The following DTL variants were observed in gnomAD, a reference collection of about 807,000 sequenced individuals.
DTL encodes denticleless protein homolog.
A neutral mutation model predicts 87.0 loss-of-function variants in DTL; 46 were observed. The ratio of observed to expected loss-of-function variants is 0.53; its 90% CI spans 0.42 to 0.68. DTL has a LOEUF of 0.68. Among genes scored for constraint, DTL ranks in the 30% least tolerant of loss-of-function variants. The probability of loss-of-function intolerance (pLI) is 0.00; values close to 1 mark genes in which losing one functional copy is unlikely to be tolerated. For synonymous variants in DTL, 308 were observed against 311.2 expected (o/e 0.99, Z 0.11); for missense variants, 737 against 869.4 (o/e 0.85, Z 1.91).
chr1:212,073,194 T>C (rs1654728353), intron 11 of DTL, among the ~76,000 whole-genome samples: 1 of 152,238 alleles, frequency 6.6e-6, no homozygotes, highest in African/African-American at 2.4e-5. Flanking sequence ...TAGCACTTGC[T>C]TATTACTGAA....
rs1217559140 is a variant in DTL, at chr1:212,044,620, T to C, written c.179-40T>C. Reference sequence around the variant, plus strand: ...TCCGTCTGAAAAAAAAAAAAAAAATTGTGTTACTCTATATATTTTTTTCTT... The same window carrying C: ...TCCGTCTGAAAAAAAAAAAAAAAATCGTGTTACTCTATATATTTTTTTCTT... On this transcript the variant is annotated intron_variant, in intron 2 of 14. Transcript: ENST00000366991. 21 of 1,251,290 alleles carry C rather than the reference T, an allele frequency of 1.7e-5. 1 individual carries two copies. The highest frequency in any genetic ancestry group is 2.3e-5 in the Non-Finnish European group (21 of 898,352). The allele number at this position is 1,251,290 out of a possible 1,614,324, so 77.5% of individuals were successfully genotyped here.
At chr1:212,092,104 C>T (rs1409842374) in intron 13 of DTL, among the ~76,000 whole-genome samples, 1 of 152,164 alleles carries the variant, frequency 6.6e-6, no homozygotes, top group East Asian at 1.9e-4. Context: ...AGTCTTTTAT[C>T]CCTTACCTCC....
intron 11 of DTL, 118 bp downstream of exon 11, chr1:212,072,331 A>G: frequency 1.3e-6 from 1 of 766,966 alleles, no homozygotes. Context: ...TGCATCAGAT[A>G]TTTAGTAAAG....
chr1:212,093,228 C>T (rs183084132), intron 13 of DTL, among the ~76,000 whole-genome samples: 1 of 152,274 alleles, frequency 6.6e-6, no homozygotes, highest in Non-Finnish European at 1.5e-5. Context: ...GATGGGCAGG[C>T]TGTAGGGCTC....
chr1:212,087,485 G>A (rs901862437), intron 13 of DTL, among the ~76,000 whole-genome samples: 2 of 151,662 alleles, frequency 1.3e-5, no homozygotes, highest in Admixed American at 1.3e-4. Flanking sequence ...GGGAGGCGGA[G>A]CTTGCAGTGA....
In DTL at chr1:212,047,563, C is replaced by T. The variant is rs956829839; in HGVS notation, c.460+146C>T. 24 of 1,144,432 alleles carry T rather than the reference C, an allele frequency of 2.1e-5. No individual in the cohort carries two copies. In the Admixed American group the frequency reaches 2.7e-4, roughly 13 times the overall value. The allele number at this position is 1,144,432 out of a possible 1,614,324, so 70.9% of individuals were successfully genotyped here. On this transcript the variant is annotated intron_variant, in intron 5 of 14. Transcript: ENST00000366991. ...AAGATTCTTTTTTTGGAGACAGTTT[C>T]GTTCTGTTGCCCAGGCTGGAGTGCA...
intron 13 of DTL, among the ~76,000 whole-genome samples, chr1:212,088,232 T>C (rs1655185725): frequency 6.6e-6 from 1 of 152,216 alleles, no homozygotes; most frequent in African/African-American, 2.4e-5. Flanking sequence ...AAGGAAACCC[T>C]ACCTATTCTG....
At chr1:212,062,779 T>C in intron 5 of DTL, 105 bp from the exon 6 acceptor site, 1 of 812,730 alleles carries the variant, frequency 1.2e-6, no homozygotes, top group East Asian at 2.6e-5. Flanking sequence ...CAGTGACAGA[T>C]ACAGTACCTA....
chr1:212,080,256 T>TA (rs1215868809), intron 12 of DTL: 2 of 162,664 alleles, frequency 1.2e-5, no homozygotes, highest in African/African-American at 4.8e-5. Flanking sequence ...GTTGGTAACA[T>TA]ATACTGATTG....
chr1:212,100,695 A>G lies in DTL; in HGVS notation c.1705A>G (p.Lys569Glu). ...CLESVKQKCVKSCNCVTELDG... is the reference protein window; with the variant it reads ...CLESVKQKCVESCNCVTELDG... The stretch of plus-strand genomic sequence containing the variant: ...GGAGAGTGTGAAACAAAAGTGTGTG[A>G]AGAGTTGTAACTGTGTGACTGAGCT... Residue 569 changes from lysine to glutamate, a missense_variant, in exon 14 of 15, where the codon AAG becomes GAG. Lys to Glu is a moderately conservative substitution (Grantham distance 56). Coordinates refer to ENST00000366991, the MANE Select transcript of DTL (RefSeq NM_016448.4). 2 of 1,614,126 alleles carry G rather than the reference A, an allele frequency of 1.2e-6. No homozygotes were observed. Among genetic ancestry groups the G allele is most frequent in the Non-Finnish European group, 1.7e-6 (2 of 1,180,026 alleles).
chr1:212,079,243 A>G (rs879415880), intron 12 of DTL, among the ~76,000 whole-genome samples: 2 of 152,060 alleles, frequency 1.3e-5, no homozygotes, highest in African/African-American at 2.4e-5. Flanking sequence ...TTCTTTTAAC[A>G]TGGAGGGTTG....
intron 13 of DTL, among the ~76,000 whole-genome samples, chr1:212,083,052 A>T (rs1293025970): frequency 6.6e-6 from 1 of 152,200 alleles, no homozygotes; most frequent in Non-Finnish European, 1.5e-5. Context: ...AAGGAGGCAT[A>T]TTAGTCCATT....
At position 212,035,778 on chromosome 1, in the gene DTL, G is replaced by A; in HGVS notation, c.-113G>A. 1.0e-6 allele frequency: 1 copy of A among 992,210 alleles called. No individual in the cohort carries two copies. Among genetic ancestry groups the A allele is most frequent in the South Asian group, 1.5e-5 (1 of 68,498 alleles). 61.5% of individuals were successfully genotyped at this position (992,210 alleles called of 1,614,324 possible). On this transcript the variant is annotated 5_prime_UTR_variant, in exon 1 of 15. Transcript: ENST00000366991. ...TTGGCGGCCGGGGCTTACAGTGGCG[G>A]GAGTTGGAGGCGATAACGATTTGTG...
At chr1:212,058,822 G>T (rs565059017) in intron 5 of DTL, among the ~76,000 whole-genome samples, 2 of 151,896 alleles carry the variant, frequency 1.3e-5, no homozygotes, top group South Asian at 4.2e-4. Context: ...AAGAAAGATG[G>T]TCTTAAATAA....
chr1:212,097,567 T>G (rs1489039090), intron 13 of DTL, among the ~76,000 whole-genome samples: 1 of 152,094 alleles, frequency 6.6e-6, no homozygotes, highest in African/African-American at 2.4e-5. Flanking sequence ...TTTCCAGAAG[T>G]CATGATTGTT....
intron 5 of DTL, among the ~76,000 whole-genome samples, chr1:212,057,557 G>A (rs149022879): frequency 0.01 from 1,591 of 152,004 alleles, 25 homozygotes; most frequent in Non-Finnish European, 0.013. Flanking sequence ...GAAAACACAA[G>A]AAAATATAAA....
In DTL at chr1:212,104,269, T is replaced by TGTGTAGACTTTATGTCAG. The variant is rs1484061069; in HGVS notation, c.*1329_*1330insGTGTAGACTTTATGTCAG. The TGTGTAGACTTTATGTCAG allele has an allele frequency of 2.6e-3, 15 of 5,776 alleles. No homozygotes were observed. The highest frequency in any genetic ancestry group is 6.8e-3 in the Non-Finnish European group (11 of 1,616). The allele number at this position is 5,776 out of a possible 1,614,324, so 0.4% of individuals were successfully genotyped here. A position where few individuals can be genotyped will look rare whatever the true frequency, so the allele number is the denominator to read the frequency against. On this transcript the variant is annotated 3_prime_UTR_variant, in exon 15 of 15. Coordinates refer to ENST00000366991, the MANE Select transcript of DTL (RefSeq NM_016448.4). ...GGACTGTGTAGACTTTATGTCAGTTTTTGTCATTATTTGAAAATCTATTCT... is the reference window on the plus strand; with the variant it reads ...GGACTGTGTAGACTTTATGTCAGTTTGTGTAGACTTTATGTCAGTTGTCATTATTTGAAAATCTATTCT...
At chr1:212,063,443 C>G (rs1654397457) in intron 6 of DTL, among the ~76,000 whole-genome samples, 1 of 151,886 alleles carries the variant, frequency 6.6e-6, no homozygotes, top group African/African-American at 2.4e-5. Context: ...CACCCGCCAC[C>G]ATGCCTGGCT....
intron 9 of DTL, 45 bp downstream of exon 9, chr1:212,068,372 T>TAA (rs35528691): frequency 0.053 from 49,739 of 945,068 alleles, 488 homozygotes; most frequent in Admixed American, 0.11. Flanking sequence ...AGTTTTTGTT[T>TAA]AAAAAAAAAA....
Sources: gnomAD v4.1 joint callset for allele counts (sites outside exome capture counted in the v4.1 genomes callset) on GRCh38, gnomAD v4.1.1 for gene constraint, MANE v1.5 for transcripts, NCBI Gene and HGNC (gene_info 2026-07-23, HGNC 2026-07-21) for gene names.